The following NMNAT1 variants were observed in gnomAD, a reference collection of about 807,000 sequenced individuals.
NMNAT1 encodes nicotinamide/nicotinic acid mononucleotide adenylyltransferase 1.
NMNAT1 carries 11 observed loss-of-function variants against 16.7 expected under a neutral mutation model. The ratio of observed to expected loss-of-function variants is 0.66; its 90% CI spans 0.41 to 1.09. NMNAT1 has a LOEUF of 1.09. Among genes scored for constraint, NMNAT1 ranks in the 50% least tolerant of loss-of-function variants. The pLI is 0.00. For synonymous variants in NMNAT1, 110 were observed against 119.8 expected, an observed-to-expected ratio of 0.92 and a Z score of 0.53; for missense variants, 280 against 332.3, an observed-to-expected ratio of 0.84 and a Z score of 1.22.
the NMNAT1 span, among the ~76,000 whole-genome samples, chr1:9,991,779 T>G: frequency 6.6e-6 from 1 of 151,992 alleles, no homozygotes; most frequent in Non-Finnish European, 1.5e-5. Flanking sequence ...AGATGTGATG[T>G]GGAGTAAGTG....
intron 2 of NMNAT1, among the ~76,000 whole-genome samples, chr1:9,974,390 A>ATTT (rs70998335): frequency 3.6e-5 from 5 of 139,476 alleles, no homozygotes; most frequent in African/African-American, 2.7e-5. Flanking sequence ...CATCTGGCTA[A>ATTT]TTTTTTTTTT....
At chr1:9,986,841 C>T (rs1162469373), downstream of NMNAT1, among the ~76,000 whole-genome samples, 1 of 152,024 alleles carries the variant, frequency 6.6e-6, no homozygotes, top group Non-Finnish European at 1.5e-5. Flanking sequence ...GAGATTGCGC[C>T]ATTGCACTCC....
In NMNAT1 at chr1:9,948,978, G is replaced by C. The variant is rs530824168; in HGVS notation, c.-57+5463G>C. ...TGTTAAATATACACTGAAGTAAAAA[G>C]ACAAAACACGGCTGGCCATGGTGGC... On this transcript the variant is annotated intron_variant, in intron 1 of 4. Transcript: ENST00000377205. Among the ~76,000 whole-genome samples, 53 of 150,398 alleles carry C rather than the reference G, an allele frequency of 3.5e-4. No homozygotes were observed. The Middle Eastern group carries it at 0.034, about 97-fold the overall frequency.
intron 1 of NMNAT1, among the ~76,000 whole-genome samples, chr1:9,955,403 C>CAA (rs71583829): frequency 0.16 from 14,960 of 90,716 alleles, 1,554 homozygotes; most frequent in African/African-American, 0.28. Flanking sequence ...GACTTTGTCT[C>CAA]AAAAAAAAAA....
At chr1:9,992,156 G>A in the NMNAT1 span, among the ~76,000 whole-genome samples, 98,068 of 149,902 alleles carry the variant, frequency 0.65, 36,928 homozygotes, top group Non-Finnish European at 0.85. Context: ...CATCACGGCT[G>A]ACTGCAGCCT....
At chr1:9,989,229 G>A (rs1445759539), downstream of NMNAT1, among the ~76,000 whole-genome samples, 2 of 152,014 alleles carry the variant, frequency 1.3e-5, no homozygotes, top group Non-Finnish European at 2.9e-5. Flanking sequence ...AGGCCAGGGC[G>A]GGCAGATCAC....
chr1:9,952,581 A>T (rs1263588036), intron 1 of NMNAT1: 1 of 152,026 alleles, frequency 6.6e-6, no homozygotes, highest in African/African-American at 2.4e-5. Flanking sequence ...TCTGTCACCC[A>T]GGCTGGAGTG....
rs1553126649 is a variant in NMNAT1 at position 9,968,080 on chromosome 1, G to GTTTTTTTTGTT, written c.-56-3930_-56-3929insGTTTTTTTTTT. On this transcript the variant is annotated intron_variant, in intron 1 of 4. Coordinates refer to ENST00000377205, the MANE Select transcript of NMNAT1 (RefSeq NM_022787.4). ...TTTGCCAAATGTAGTTTTTTTTTTT[G>GTTTTTTTTGTT]TTTTTTTTTGAGATGGAGTCTCGCT... Among the ~76,000 whole-genome samples, 18 of 117,806 alleles carry GTTTTTTTTGTT rather than the reference G, an allele frequency of 1.5e-4. 1 individual carries two copies. The highest frequency in any genetic ancestry group is 2.7e-4 in the East Asian group (1 of 3,764). 77.3% of individuals were successfully genotyped at this position (117,806 alleles called of 152,430 possible). A position where few individuals can be genotyped will look rare whatever the true frequency, so the allele number is the denominator to read the frequency against.
chr1:9,946,733 G>C (rs1161038713), intron 1 of NMNAT1, among the ~76,000 whole-genome samples: 1 of 152,064 alleles, frequency 6.6e-6, no homozygotes, highest in Non-Finnish European at 1.5e-5. Context: ...CATAAGTGTG[G>C]GGCCCTGATC....
intron 1 of NMNAT1, among the ~76,000 whole-genome samples, chr1:9,964,696 T>C (rs1049307023): frequency 2.0e-5 from 3 of 151,948 alleles, no homozygotes; most frequent in Admixed American, 1.3e-4. Context: ...TGCCTCTAAT[T>C]CCAGCATTTT....
chr1:9,959,985 G>A (rs1457254084), intron 1 of NMNAT1, among the ~76,000 whole-genome samples: 1 of 152,170 alleles, frequency 6.6e-6, no homozygotes, highest in Non-Finnish European at 1.5e-5. Context: ...CCCTTTTAGA[G>A]GTGTAAATCC....
rs1437094818 is a variant in NMNAT1 at position 9,983,264 on chromosome 1, A to T, written c.*563A>T. On this transcript the variant is annotated 3_prime_UTR_variant, in exon 5 of 5. Transcript: ENST00000377205. ...CAGCTACTTGGGAGGCTGAGGCAGG[A>T]GAATCGCTTGAACCCGGGAGGCACA... 1.3e-5 allele frequency: 2 copies of T among 152,134 alleles called. No individual in the cohort carries two copies. The highest frequency in any genetic ancestry group is 2.9e-5 in the Non-Finnish European group (2 of 68,130). 9.4% of individuals were successfully genotyped at this position (152,134 alleles called of 1,614,324 possible).
chr1:9,953,750 C>T (rs950984365), intron 1 of NMNAT1, among the ~76,000 whole-genome samples: 1 of 141,224 alleles, frequency 7.1e-6, no homozygotes, highest in East Asian at 2.2e-4. Flanking sequence ...CCTATTTTTT[C>T]ATTTTAAAAA....
upstream of NMNAT1, chr1:9,943,433 T>C: frequency 6.6e-6 from 1 of 152,118 alleles, no homozygotes; most frequent in Middle Eastern, 3.2e-3. Flanking sequence ...CCAATGAGAG[T>C]GCGACCGAGA....
chr1:9,943,440 G>C (rs1309155456), upstream of NMNAT1: 2 of 152,284 alleles, frequency 1.3e-5, no homozygotes, highest in Non-Finnish European at 2.9e-5. Context: ...GAGTGCGACC[G>C]AGATGTTCCA....
At chr1:9,955,659 T>G (rs1032127872) in intron 1 of NMNAT1, among the ~76,000 whole-genome samples, 5 of 152,084 alleles carry the variant, frequency 3.3e-5, no homozygotes, top group African/African-American at 1.2e-4. Flanking sequence ...TTTTTAAAGA[T>G]TCCCTTCACC....
intron 1 of NMNAT1, among the ~76,000 whole-genome samples, chr1:9,964,263 G>A (rs1181475034): frequency 6.6e-6 from 1 of 151,418 alleles, no homozygotes. Context: ...GTGTAGGTGG[G>A]AGGATCACTT....
At chr1:9,971,558 C>A in intron 1 of NMNAT1, among the ~76,000 whole-genome samples, 1 of 152,008 alleles carries the variant, frequency 6.6e-6, no homozygotes, top group Non-Finnish European at 1.5e-5. Context: ...ATGATCCACC[C>A]GCCCCAGCCT....
At chr1:9,996,617 T>C in the NMNAT1 span, among the ~76,000 whole-genome samples, 1 of 152,166 alleles carries the variant, frequency 6.6e-6, no homozygotes, top group Non-Finnish European at 1.5e-5. Flanking sequence ...TCCAGACTTA[T>C]AGGAGATGGG....
Sources: gnomAD v4.1 joint callset for allele counts (sites outside exome capture counted in the v4.1 genomes callset) on GRCh38, gnomAD v4.1.1 for gene constraint, MANE v1.5 for transcripts, NCBI Gene and HGNC (gene_info 2026-07-23, HGNC 2026-07-21) for gene names.